DCAF8L2: variants seen among roughly 807,000 people sequenced by gnomAD.
DCAF8L2 encodes the protein DDB1 and CUL4 associated factor 8 like 2.
For synonymous variants in DCAF8L2, 200 were observed against 190.9 expected (o/e 1.05, Z -0.39); for missense variants, 430 against 490.7 (o/e 0.88, Z 1.17).
At chrX:27,502,336 ATATATAT>A in the DCAF8L2 span, among the ~76,000 whole-genome samples, 280 of 10,845 alleles carry the variant, frequency 0.026, 5 homozygotes, top group Non-Finnish European at 0.035. Flanking sequence ...AAAAAAAAAA[ATATATAT>A]ATATATATAT....
chrX:27,711,241 A>C (rs1009258725), intron 3 of DCAF8L2, among the ~76,000 whole-genome samples: 1 of 110,406 alleles, frequency 9.1e-6, no homozygotes, highest in Admixed American at 9.7e-5. Flanking sequence ...CATGCAACAT[A>C]TAAGAGACCA....
the DCAF8L2 span, among the ~76,000 whole-genome samples, chrX:27,489,137 G>A: frequency 9.9e-5 from 11 of 111,634 alleles, no homozygotes; most frequent in East Asian, 1.7e-3. Flanking sequence ...TCGTTCTGTC[G>A]CCCAGGCTGG....
chrX:27,724,290 C>T (rs1447462673), intron 4 of DCAF8L2, among the ~76,000 whole-genome samples: 1 of 110,436 alleles, frequency 9.1e-6, no homozygotes, highest in Non-Finnish European at 1.9e-5. Flanking sequence ...TTAGATGATA[C>T]GATTACATAT....
chrX:27,732,493 C>CGTGT (rs139652032), intron 4 of DCAF8L2, among the ~76,000 whole-genome samples: 8 of 84,170 alleles, frequency 9.5e-5, no homozygotes, highest in Admixed American at 2.5e-4. Context: ...TGTGTGTGCG[C>CGTGT]GTGTGTGTGT....
upstream of DCAF8L2, among the ~76,000 whole-genome samples, chrX:27,587,985 A>AAAAT: frequency 2.3e-3 from 52 of 22,356 alleles, 1 homozygote; most frequent in Admixed American, 0.019. Context: ...TAAAAAAAAA[A>AAAAT]ATATATATAT....
intron 3 of DCAF8L2, among the ~76,000 whole-genome samples, chrX:27,696,326 GAAAGAA>G (rs1569184597): frequency 1.2e-3 from 43 of 36,604 alleles, no homozygotes; most frequent in South Asian, 4.9e-3. Context: ...AAGAAAGAAA[GAAAGAA>G]AAAGAAAGAA....
intron 2 of DCAF8L2, among the ~76,000 whole-genome samples, chrX:27,656,617 G>C (rs1929362740): frequency 8.9e-6 from 1 of 111,780 alleles, no homozygotes; most frequent in African/African-American, 3.3e-5. Flanking sequence ...GTGGGAGCTA[G>C]GGTGGCCCTA....
the DCAF8L2 span, among the ~76,000 whole-genome samples, chrX:27,495,160 A>C: frequency 8.9e-6 from 1 of 111,809 alleles, no homozygotes; most frequent in African/African-American, 3.2e-5. Flanking sequence ...TTTGTGGAAG[A>C]GATTAACATT....
chrX:27,587,263 C>T (rs1483951079), upstream of DCAF8L2, among the ~76,000 whole-genome samples: 2 of 111,120 alleles, frequency 1.8e-5, no homozygotes, highest in Non-Finnish European at 3.8e-5. Flanking sequence ...ATAAAAGAAC[C>T]ATACAAGAAG....
intron 4 of DCAF8L2, among the ~76,000 whole-genome samples, chrX:27,745,444 AT>A (rs750637128): frequency 8.9e-6 from 1 of 112,305 alleles, no homozygotes; most frequent in Non-Finnish European, 1.9e-5. Flanking sequence ...GTGCTCATGT[AT>A]TTAATTCTAG....
rs1930984536 is a variant in DCAF8L2, at chrX:27,697,868, GA to G, written c.-142-18217del. On this transcript the variant is annotated intron_variant, in intron 3 of 4. Coordinates refer to ENST00000451261, the MANE Select transcript of DCAF8L2 (RefSeq NM_001353450.2). ...TGAAGGAAAGGGAAGAAGAAAGAGA[GA>G]AAGAAAAAGAATGAAAGAACAATGA... Among the ~76,000 whole-genome samples, 2 of 109,901 alleles carry G rather than the reference GA, an allele frequency of 1.8e-5. 1 individual carries two copies. Among genetic ancestry groups the G allele is most frequent in the Admixed American group, 1.9e-4 (2 of 10,314 alleles).
chrX:27,537,888 C>G, the DCAF8L2 span, among the ~76,000 whole-genome samples: 1 of 112,160 alleles, frequency 8.9e-6, no homozygotes, highest in Non-Finnish European at 1.9e-5. Context: ...GTATTACCAA[C>G]AGCATTTTAT....
At position 27,747,272 on chromosome X, in the gene DCAF8L2, A is replaced by G. The variant is rs1602824075; in HGVS notation, c.377A>G (p.Glu126Gly). The change falls in exon 5 of 5, where the codon GAG becomes GGG. Residue 126 changes from glutamate (E) to glycine (G), a missense_variant. By Grantham distance (98) the Glu-to-Gly change is moderately conservative. Transcript: ENST00000451261. The part of the protein sequence containing the change: ...EDEEIQEEGG[E>G]EEEEEEEEEE... ...GAAGAGATACAAGAGGAGGGAGGGG[A>G]GGAGGAGGAAGAGGAGGAGGAGGAG... 9.8e-7 allele frequency: 1 copy of G among 1,017,965 alleles called. No homozygotes were observed. Among genetic ancestry groups the G allele is most frequent in the East Asian group, 3.6e-5 (1 of 27,892 alleles). 83.9% of individuals were successfully genotyped at this position (1,017,965 alleles called of 1,213,427 possible).
chrX:27,555,637 T>G, the DCAF8L2 span, among the ~76,000 whole-genome samples: 10,584 of 111,985 alleles, frequency 0.095, 397 homozygotes, highest in Non-Finnish European at 0.12. Context: ...CAATAATGGA[T>G]AGAATTCCTG....
rs73534364 is a variant in DCAF8L2 at position 27,706,202 on chromosome X, G to A, written c.-142-9886G>A. Among the ~76,000 whole-genome samples, 248 of 111,510 alleles carry A rather than the reference G, an allele frequency of 2.2e-3. 1 individual carries two copies. Among genetic ancestry groups the A allele is most frequent in the African/African-American group, 7.6e-3 (232 of 30,702 alleles). ...GCGCTGTTTTGGTTACTGTATCCCA[G>A]TAGTATAGTTTGAAGTTGGATAACG... On this transcript the variant is annotated intron_variant, in intron 3 of 4. Coordinates refer to ENST00000451261, the MANE Select transcript of DCAF8L2 (RefSeq NM_001353450.2).
At chrX:27,533,184 A>AGAGAGAGAGAGAGAG in the DCAF8L2 span, among the ~76,000 whole-genome samples, 1 of 19,925 alleles carries the variant, frequency 5.0e-5, no homozygotes, top group Admixed American at 7.2e-4. Context: ...GAAAGAAAGA[A>AGAGAGAGAGAGAGAG]AGAAAGAAAG....
upstream of DCAF8L2, among the ~76,000 whole-genome samples, chrX:27,588,016 A>ATATATATATATATATAT (rs1569152546): frequency 7.0e-5 from 7 of 100,141 alleles, no homozygotes; most frequent in African/African-American, 1.9e-4. Context: ...ATATATATAT[A>ATATATATATATATATAT]ATTTCAAAGT....
At chrX:27,702,572 A>G (rs375134524) in intron 3 of DCAF8L2, among the ~76,000 whole-genome samples, 4 of 111,352 alleles carry the variant, frequency 3.6e-5, no homozygotes, top group Admixed American at 2.9e-4. Flanking sequence ...TTGATTTAAT[A>G]TATCATATTA....
intron 3 of DCAF8L2, among the ~76,000 whole-genome samples, chrX:27,692,803 T>TCA (rs1300773328): frequency 9.0e-6 from 1 of 110,955 alleles, no homozygotes; most frequent in Non-Finnish European, 1.9e-5. Context: ...TATCATAATA[T>TCA]AGGGAGAAGG....
Sources: gnomAD v4.1 joint callset for allele counts (sites outside exome capture counted in the v4.1 genomes callset) on GRCh38, gnomAD v4.1.1 for gene constraint, MANE v1.5 for transcripts, NCBI Gene and HGNC (gene_info 2026-07-23, HGNC 2026-07-21) for gene names.